Variants in ASTN2 observed in about 807,000 individuals in gnomAD.
The protein encoded by ASTN2 is astrotactin-2.
In ASTN2, 54 loss-of-function variants were observed where a neutral mutation model predicts 139.8. The ratio of observed to expected loss-of-function variants is 0.39; its 90% CI spans 0.31 to 0.48. The LOEUF (loss-of-function observed/expected upper bound fraction) is 0.48. ASTN2 is among the 20% of genes least tolerant of loss of function. ASTN2 has a pLI of 0.95. For synonymous variants in ASTN2, 756 were observed against 719.5 expected (o/e 1.05, Z -0.81); for missense variants, 1,565 against 1,725.1 (o/e 0.91, Z 1.64).
At chr9:117,201,616 C>G (rs1229568543) in intron 3 of ASTN2, among the ~76,000 whole-genome samples, 5 of 152,112 alleles carry the variant, frequency 3.3e-5, no homozygotes, top group African/African-American at 1.2e-4. Flanking sequence ...CATTCAGGAG[C>G]AGGTTGTTCA....
rs568791439 is a variant in ASTN2, at chr9:117,160,377, C to T, written c.1016-18899G>A. Among the ~76,000 whole-genome samples the T allele has an allele frequency of 2.0e-5, 3 of 151,070 alleles. No individual in the cohort carries two copies. The South Asian group carries it at 6.3e-4, about 32-fold the overall frequency. ...AGTTCCTCATTGTCACTTTTCCCAT[C>T]CATATAAATCACAATAACACAGGAC... On this transcript the variant is annotated intron_variant, in intron 3 of 22. Coordinates refer to ENST00000313400, the MANE Select transcript of ASTN2 (RefSeq NM_001365068.1).
intron 5 of ASTN2, among the ~76,000 whole-genome samples, chr9:117,059,894 T>A (rs1167316868): frequency 6.6e-6 from 1 of 152,174 alleles, no homozygotes; most frequent in African/African-American, 2.4e-5. Context: ...AAGTGATGCA[T>A]CCTGGTTTAT....
intron 16 of ASTN2, among the ~76,000 whole-genome samples, chr9:116,681,234 A>G (rs1244184699): frequency 2.6e-5 from 4 of 152,214 alleles, no homozygotes; most frequent in Non-Finnish European, 5.9e-5. Flanking sequence ...CCAATAACAG[A>G]CAAACGGAGA....
At chr9:116,955,746 T>C (rs370066269) in intron 10 of ASTN2, among the ~76,000 whole-genome samples, 11 of 152,368 alleles carry the variant, frequency 7.2e-5, no homozygotes, top group African/African-American at 2.6e-4. Context: ...TTCTCTTCTA[T>C]AAAATGGGGC....
In ASTN2 at chr9:116,487,504, G is replaced by T; in HGVS notation, c.3356-4C>A. On this transcript the variant is annotated splice_region_variant and splice_polypyrimidine_tract_variant and intron_variant, in intron 19 of 22. Transcript: ENST00000313400. ...TCAGCAAAACTCAGGAATTCTCCTG[G>T]AGGGAGAAAAAGAAAGATGAGCTCC... 1 of 1,613,088 alleles carries T rather than the reference G, an allele frequency of 6.2e-7. No homozygotes were observed. Among genetic ancestry groups the T allele is most frequent in the Non-Finnish European group, 8.5e-7 (1 of 1,179,686 alleles).
At chr9:117,162,963 A>G (rs1395747862) in intron 3 of ASTN2, among the ~76,000 whole-genome samples, 1 of 152,054 alleles carries the variant, frequency 6.6e-6, no homozygotes, top group Non-Finnish European at 1.5e-5. Context: ...TTCTAAGGAG[A>G]CCAGGAAAAT....
chr9:116,890,376 T>G (rs1833733055), intron 10 of ASTN2, among the ~76,000 whole-genome samples: 1 of 152,210 alleles, frequency 6.6e-6, no homozygotes, highest in Admixed American at 6.5e-5. Context: ...AATTTCAAAT[T>G]GCTAGCAATA....
chr9:117,207,923 T>C (rs1831990894), intron 3 of ASTN2, among the ~76,000 whole-genome samples: 1 of 152,196 alleles, frequency 6.6e-6, no homozygotes, highest in Non-Finnish European at 1.5e-5. Context: ...TTTAACTACA[T>C]AGAAACTCTA....
chr9:117,099,367 C>T lies in ASTN2; in HGVS notation c.1169-3216G>A, dbSNP rs1235664946. ...CAGCAAAATTCTCACTCCCTTCCTT[C>T]CTTCCAATCTCCACTTTATCTTCCC... On this transcript the variant is annotated intron_variant, in intron 4 of 22. Coordinates refer to ENST00000313400, the MANE Select transcript of ASTN2 (RefSeq NM_001365068.1). Among the ~76,000 whole-genome samples, 3 of 152,194 alleles carry T rather than the reference C, an allele frequency of 2.0e-5. No homozygotes were observed. In the East Asian group the frequency reaches 5.8e-4, roughly 29 times the overall value.
chr9:117,091,314 G>A (rs1463232117), intron 5 of ASTN2, among the ~76,000 whole-genome samples: 1 of 152,116 alleles, frequency 6.6e-6, no homozygotes, highest in Non-Finnish European at 1.5e-5. Flanking sequence ...TGCCTACTAT[G>A]AGCCCATCCC....
intron 11 of ASTN2, among the ~76,000 whole-genome samples, chr9:116,824,454 T>G (rs1831569362): frequency 6.6e-6 from 1 of 152,204 alleles, no homozygotes; most frequent in African/African-American, 2.4e-5. Context: ...ATGGAGAGTC[T>G]TATGTGGCAA....
chr9:117,101,020 A>G (rs933301099), intron 4 of ASTN2, among the ~76,000 whole-genome samples: 1 of 152,208 alleles, frequency 6.6e-6, no homozygotes, highest in Non-Finnish European at 1.5e-5. Flanking sequence ...AACTCAGCTC[A>G]ATGGTTATTA....
chr9:116,857,189 A>C (rs1475806464), intron 11 of ASTN2, among the ~76,000 whole-genome samples: 2 of 152,188 alleles, frequency 1.3e-5, no homozygotes, highest in Non-Finnish European at 2.9e-5. Context: ...AGTTGCTTTT[A>C]TATTACTAGC....
At chr9:116,433,290 T>G (rs1847552946) in intron 22 of ASTN2, among the ~76,000 whole-genome samples, 1 of 152,342 alleles carries the variant, frequency 6.6e-6, no homozygotes, top group Non-Finnish European at 1.5e-5. Context: ...GGGTAAAAAC[T>G]TGTAAAGCAT....
chr9:116,847,196 AC>A lies in ASTN2; in HGVS notation c.2040+16386del, dbSNP rs1248975425. Among the ~76,000 whole-genome samples, 6 of 152,228 alleles carry A rather than the reference AC, an allele frequency of 3.9e-5. No homozygotes were observed. In the South Asian group the frequency reaches 1.0e-3, roughly 26 times the overall value. ...AGTGGCACAATCTCGGCTCACTGCA[AC>A]CTCTGCCTCCCTGGTTCAAGTGATT... is the stretch of plus-strand genomic sequence containing the variant. On this transcript the variant is annotated intron_variant, in intron 11 of 22. Transcript: ENST00000313400.
chr9:116,493,986 C>T (rs1166790075), intron 19 of ASTN2, among the ~76,000 whole-genome samples: 1 of 152,140 alleles, frequency 6.6e-6, no homozygotes, highest in East Asian at 1.9e-4. Context: ...TCTGCATTTC[C>T]TTTACTTGGG....
chr9:116,682,713 C>T (rs548825565), intron 16 of ASTN2, among the ~76,000 whole-genome samples: 17 of 151,722 alleles, frequency 1.1e-4, no homozygotes, highest in African/African-American at 3.9e-4. Context: ...ATGATGAGTT[C>T]ATGTCCTTTG....
rs148724828 is a variant in ASTN2, at chr9:116,933,979, C to CTT, written c.1889+41227_1889+41228dup. On this transcript the variant is annotated intron_variant, in intron 10 of 22. Coordinates refer to ENST00000313400, the MANE Select transcript of ASTN2 (RefSeq NM_001365068.1). ...ACCTCAGTTGTGCGAAGTGTTAGTC[C>CTT]TTTTTTTTTTTTTTTTTTTTTTTCT... Among the ~76,000 whole-genome samples, 210 of 86,882 alleles carry CTT rather than the reference C, an allele frequency of 2.4e-3. 32 individuals are homozygous for CTT. Among genetic ancestry groups the CTT allele is most frequent in the Non-Finnish European group, 3.5e-3 (163 of 45,920 alleles). The allele number at this position is 86,882 out of a possible 152,430, so 57.0% of individuals were successfully genotyped here.
intron 10 of ASTN2, among the ~76,000 whole-genome samples, chr9:116,913,259 A>C (rs1320823419): frequency 6.6e-6 from 1 of 152,182 alleles, no homozygotes; most frequent in African/African-American, 2.4e-5. Context: ...CAAAATAAGA[A>C]TGAGAACACA....
Sources: allele counts gnomAD v4.1 joint callset (sites outside exome capture counted in the v4.1 genomes callset), GRCh38; gene constraint gnomAD v4.1.1; transcripts MANE v1.5; gene names NCBI Gene and HGNC (gene_info 2026-07-23, HGNC 2026-07-21).